RAB3GAP1: variants seen among roughly 807,000 people sequenced by gnomAD.
The protein encoded by RAB3GAP1 is RAB3 GTPase activating protein catalytic subunit 1, also known as rab3 GTPase-activating protein catalytic subunit.
In RAB3GAP1, 86 loss-of-function variants were observed where a neutral mutation model predicts 130.7. That is an observed-to-expected ratio of 0.66 (90% CI 0.55 to 0.79). RAB3GAP1 has a LOEUF of 0.79. RAB3GAP1 is among the 30% of genes least tolerant of loss of function. The pLI is 0.00. For missense variants in RAB3GAP1, 1,029 were observed against 1,169.4 expected, an observed-to-expected ratio of 0.88 and a Z score of 1.75; for synonymous variants, 367 against 401.7, an observed-to-expected ratio of 0.91 and a Z score of 1.03.
intron 5 of RAB3GAP1, among the ~76,000 whole-genome samples, chr2:135,110,773 A>G (rs1690779806): frequency 6.6e-6 from 1 of 152,222 alleles, no homozygotes; most frequent in Admixed American, 6.5e-5. Context: ...AGTACTGATC[A>G]ATAGGGGATT....
chr2:135,095,869 G>T (rs2104883116), intron 5 of RAB3GAP1, among the ~76,000 whole-genome samples: 1 of 152,278 alleles, frequency 6.6e-6, no homozygotes, highest in Middle Eastern at 3.4e-3. Flanking sequence ...ATCACAAGAA[G>T]AAGGGTGAGT....
chr2:135,097,751 G>T (rs1690340850), intron 5 of RAB3GAP1, among the ~76,000 whole-genome samples: 1 of 152,122 alleles, frequency 6.6e-6, no homozygotes, highest in Non-Finnish European at 1.5e-5. Flanking sequence ...GTATTTTATT[G>T]TAAGGATATA....
chr2:135,097,159 A>G (rs571655214), intron 5 of RAB3GAP1, among the ~76,000 whole-genome samples: 21 of 151,396 alleles, frequency 1.4e-4, no homozygotes, highest in African/African-American at 4.8e-4. Context: ...TCTGCTGCCA[A>G]AAAAAAAGCC....
chr2:135,106,720 C>T (rs1210170402), intron 5 of RAB3GAP1, among the ~76,000 whole-genome samples: 2 of 148,454 alleles, frequency 1.3e-5, no homozygotes, highest in Non-Finnish European at 3.0e-5. Flanking sequence ...CCAAATCCCC[C>T]TCTCCGAGAA....
At chr2:135,116,868 T>C (rs1690985009) in intron 7 of RAB3GAP1, among the ~76,000 whole-genome samples, 1 of 152,178 alleles carries the variant, frequency 6.6e-6, no homozygotes, top group African/African-American at 2.4e-5. Context: ...TTTGAGAATT[T>C]TCAAAAGAAA....
chr2:135,055,839 T>TC (rs1688992658), intron 2 of RAB3GAP1, among the ~76,000 whole-genome samples: 2 of 148,764 alleles, frequency 1.3e-5, no homozygotes, highest in African/African-American at 2.6e-5. Flanking sequence ...CATATTTCCT[T>TC]TTTTTTTCTT....
chr2:135,125,154 G>GAT (rs2104934465), intron 9 of RAB3GAP1, among the ~76,000 whole-genome samples: 1 of 152,266 alleles, frequency 6.6e-6, no homozygotes, highest in East Asian at 1.9e-4. Flanking sequence ...GGCAAACACT[G>GAT]ATATACTTTC....
intron 24 of RAB3GAP1, among the ~76,000 whole-genome samples, chr2:135,175,756 G>A (rs1157894899): frequency 6.6e-6 from 1 of 152,154 alleles, no homozygotes; most frequent in East Asian, 1.9e-4. Flanking sequence ...TAATTTAGGG[G>A]ATACATTTTC....
chr2:135,074,829 G>GCTGTCAGA (rs1439673457), intron 3 of RAB3GAP1, among the ~76,000 whole-genome samples: 23 of 152,226 alleles, frequency 1.5e-4, no homozygotes, highest in Admixed American at 1.5e-3. Context: ...TGGCAGCACA[G>GCTGTCAGA]CAGAGAAGGG....
rs1692490888 is a variant in RAB3GAP1 at position 135,162,468 on chromosome 2, A to T, written c.2290-87A>T. ...TGCTGTCTTGTTAAGGATTAAGATG[A>T]GTGGCTGAGGATTTGCACTTCTGTA... On this transcript the variant is annotated intron_variant, in intron 19 of 23. Coordinates refer to ENST00000264158, the MANE Select transcript of RAB3GAP1 (RefSeq NM_012233.3). 5 of 970,000 alleles carry T rather than the reference A, an allele frequency of 5.2e-6. No individual in the cohort carries two copies. In the Middle Eastern group the frequency reaches 8.3e-4, roughly 160 times the overall value. 60.1% of individuals were successfully genotyped at this position (970,000 alleles called of 1,614,324 possible).
chr2:135,063,317 T>G lies in RAB3GAP1; in HGVS notation c.150+5231T>G, dbSNP rs116077455. ...GTAAATTATGTTGATTAAAAATTTT[T>G]TTGTTGTAAAATGTAAGATTTACCA... On this transcript the variant is annotated intron_variant, in intron 3 of 23. Transcript: ENST00000264158. 3.1e-3 allele frequency among the ~76,000 whole-genome samples: 473 copies of G among 152,362 alleles called. 2 individuals are homozygous for G. Among genetic ancestry groups the G allele is most frequent in the African/African-American group, 0.01 (422 of 41,584 alleles).
chr2:135,144,853 C>T (rs1424782369), intron 17 of RAB3GAP1, among the ~76,000 whole-genome samples: 1 of 152,180 alleles, frequency 6.6e-6, no homozygotes, highest in African/African-American at 2.4e-5. Context: ...GGTATTCTCT[C>T]TTGCCTCTGA....
chr2:135,109,062 G>A (rs1690714916), intron 5 of RAB3GAP1, among the ~76,000 whole-genome samples: 1 of 152,040 alleles, frequency 6.6e-6, no homozygotes, highest in Non-Finnish European at 1.5e-5. Flanking sequence ...TTACCACACT[G>A]TATTGATTTC....
intron 19 of RAB3GAP1, among the ~76,000 whole-genome samples, chr2:135,156,549 A>G (rs1454237057): frequency 6.6e-6 from 1 of 152,232 alleles, no homozygotes; most frequent in African/African-American, 2.4e-5. Context: ...TTAAGTAGAA[A>G]ATTGTATCTC....
rs144522108 is a variant in RAB3GAP1, at chr2:135,110,401, C to T, written c.363-2750C>T. 3.0e-3 allele frequency among the ~76,000 whole-genome samples: 450 copies of T among 152,302 alleles called. 4 individuals are homozygous for T. The highest frequency in any genetic ancestry group is 1.8e-3 in the Non-Finnish European group (123 of 68,038). On this transcript the variant is annotated intron_variant, in intron 5 of 23. Coordinates refer to ENST00000264158, the MANE Select transcript of RAB3GAP1 (RefSeq NM_012233.3). ...CCTCCTGTCTTGGCCTGCCAAGATA[C>T]TGGCATTACAGGTGTGAGCCACCAC...
In RAB3GAP1 at chr2:135,135,610, A is replaced by G. The variant is rs968921340; in HGVS notation, c.1601A>G (p.Lys534Arg). The G allele has an allele frequency of 2.5e-6, 4 of 1,610,348 alleles. No individual in the cohort carries two copies. Among genetic ancestry groups the G allele is most frequent in the Non-Finnish European group, 3.4e-6 (4 of 1,178,400 alleles). Residue 534 changes from lysine (K) to arginine (R), a missense_variant, in exon 17 of 24, where the codon AAA (lysine) becomes AGA (arginine). This residue lies in a region of RAB3GAP1 where 373 missense variants were observed against 493.6 expected (regional missense o/e 0.76). Transcript: ENST00000264158. ...AGAAAGAAGGCACGTGATGAGGGGA[A>G]AAAGACAAGTGCTTCAGATGTCACT... The part of the protein sequence containing the change: ...IERKKARDEG[K>R]KTSASDVTNI...
At chr2:135,136,017 GA>G in intron 17 of RAB3GAP1, 85 bp downstream of exon 17, 1 of 1,546,170 alleles carries the variant, frequency 6.5e-7, no homozygotes, top group African/African-American at 1.4e-5. Context: ...TTTGAGTAAG[GA>G]AAATTATCCA....
chr2:135,092,598 A>C (rs914510172), intron 4 of RAB3GAP1, among the ~76,000 whole-genome samples: 8 of 151,978 alleles, frequency 5.3e-5, no homozygotes, highest in Non-Finnish European at 1.2e-4. Context: ...CACCATACCC[A>C]GTTAATTTTT....
chr2:135,066,799 A>C (rs1689335102), intron 3 of RAB3GAP1, among the ~76,000 whole-genome samples: 1 of 152,194 alleles, frequency 6.6e-6, no homozygotes, highest in Non-Finnish European at 1.5e-5. Flanking sequence ...GATTCTATTT[A>C]GCTAGCAAAA....
Sources: gnomAD v4.1 joint callset for allele counts (sites outside exome capture counted in the v4.1 genomes callset) on GRCh38, gnomAD v4.1.1 for gene constraint, gnomAD v4.1.1 regional missense constraint, MANE v1.5 for transcripts, NCBI Gene and HGNC (gene_info 2026-07-23, HGNC 2026-07-21) for gene names.